The following DLGAP2 variants were observed in gnomAD, a reference collection of about 807,000 sequenced individuals.
The protein encoded by DLGAP2 is disks large-associated protein 2.
Under a neutral mutation model 100.3 loss-of-function variants are expected in DLGAP2, and 26 were observed. The ratio of observed to expected loss-of-function variants is 0.26; its 90% confidence interval spans 0.19 to 0.36. DLGAP2 has a LOEUF of 0.36. Ranked by LOEUF, DLGAP2 falls within the 10% of genes least tolerant of loss-of-function variation. DLGAP2 has a pLI of 1.00. For missense variants in DLGAP2, 1,858 were observed against 1,453.2 expected (o/e 1.28, Z -4.53); for synonymous variants, 886 against 630.1 (o/e 1.41, Z -6.08).
At chr8:1,499,546 T>C (rs1799647174) in intron 3 of DLGAP2, among the ~76,000 whole-genome samples, 1 of 152,264 alleles carries the variant, frequency 6.6e-6, no homozygotes, top group South Asian at 2.1e-4. Context: ...TGTGGTTTTA[T>C]GTTATACTTA....
intron 2 of DLGAP2, chr8:1,137,243 C>T (rs1020611532): frequency 6.6e-6 from 1 of 152,340 alleles, no homozygotes; most frequent in African/African-American, 2.4e-5. Context: ...AGACACCAGT[C>T]CTATTGAATT....
intron 8 of DLGAP2, among the ~76,000 whole-genome samples, chr8:1,644,713 A>G (rs1798001415): frequency 5.3e-5 from 8 of 152,242 alleles, no homozygotes; most frequent in Admixed American, 5.2e-4. Flanking sequence ...ATTAGATGCC[A>G]AAATATCTAG....
chr8:1,594,102 A>G (rs1446145757), intron 6 of DLGAP2, among the ~76,000 whole-genome samples: 3 of 152,222 alleles, frequency 2.0e-5, no homozygotes, highest in Non-Finnish European at 4.4e-5. Context: ...GGGAAGGGAA[A>G]GAATTGGCTG....
chr8:1,198,316 C>G (rs553679060), intron 2 of DLGAP2, among the ~76,000 whole-genome samples: 1 of 152,304 alleles, frequency 6.6e-6, no homozygotes, highest in East Asian at 1.9e-4. Flanking sequence ...CCAGAAAAAC[C>G]TCCCTATTGT....
At chr8:810,505 A>T (rs1480777388) in intron 1 of DLGAP2, among the ~76,000 whole-genome samples, 1 of 152,236 alleles carries the variant, frequency 6.6e-6, no homozygotes, top group African/African-American at 2.4e-5. Context: ...TTGTTTTCGA[A>T]GTACATTCTA....
At chr8:1,556,352 A>G (rs1335187096) in intron 5 of DLGAP2, among the ~76,000 whole-genome samples, 1 of 152,120 alleles carries the variant, frequency 6.6e-6, no homozygotes, top group Non-Finnish European at 1.5e-5. Flanking sequence ...CACCCAGGAC[A>G]GCTGAGGGTC....
At chr8:1,115,662 G>A (rs890610464) in intron 2 of DLGAP2, among the ~76,000 whole-genome samples, 2 of 152,184 alleles carry the variant, frequency 1.3e-5, no homozygotes, top group African/African-American at 4.8e-5. Context: ...GAGGACGGAG[G>A]TGTAGCTGTG....
At chr8:777,752 A>T (rs1318446817) in intron 1 of DLGAP2, among the ~76,000 whole-genome samples, 1 of 152,142 alleles carries the variant, frequency 6.6e-6, no homozygotes, top group Non-Finnish European at 1.5e-5. Context: ...CTTTGAGGGT[A>T]ACCCGACCTT....
chr8:984,510 C>T (rs772634062), intron 2 of DLGAP2, among the ~76,000 whole-genome samples: 5 of 152,164 alleles, frequency 3.3e-5, no homozygotes, highest in Admixed American at 6.5e-5. Context: ...GCTTGGCCCA[C>T]GCTCCTGGCC....
At chr8:1,376,416 G>T (rs1388015813) in intron 3 of DLGAP2, among the ~76,000 whole-genome samples, 1 of 152,248 alleles carries the variant, frequency 6.6e-6, no homozygotes, top group African/African-American at 2.4e-5. Flanking sequence ...CCCGCTGCAT[G>T]GCCTCTGTGC....
At chr8:936,125 G>GTACC (rs1799064795) in intron 2 of DLGAP2, among the ~76,000 whole-genome samples, 1 of 152,134 alleles carries the variant, frequency 6.6e-6, no homozygotes, top group Non-Finnish European at 1.5e-5. Flanking sequence ...AGAACACTGT[G>GTACC]TACCGTGTGT....
rs1799682408 is a variant in DLGAP2 at position 1,705,511 on chromosome 8, C to G, written c.*4105C>G. On this transcript the variant is annotated 3_prime_UTR_variant, in exon 15 of 15. Coordinates refer to ENST00000637795, the MANE Select transcript of DLGAP2 (RefSeq NM_001346810.2). ...AGCGGGAAATGTGTGAGAGGGTGTG[C>G]GCTGGTACGGACATAAAAGCATTGT... 6.6e-6 allele frequency: 1 copy of G among 152,218 alleles called. No individual in the cohort carries two copies. 9.4% of individuals were successfully genotyped at this position (152,218 alleles called of 1,614,324 possible).
intron 8 of DLGAP2, among the ~76,000 whole-genome samples, chr8:1,634,860 A>G (rs12543316): frequency 0.11 from 16,626 of 152,222 alleles, 1,173 homozygotes; most frequent in Admixed American, 0.15. Context: ...TAATTTATAT[A>G]TATACAATGT....
At chr8:1,652,092 A>G (rs1047719078) in intron 8 of DLGAP2, among the ~76,000 whole-genome samples, 3 of 152,256 alleles carry the variant, frequency 2.0e-5, no homozygotes, top group African/African-American at 4.8e-5. Flanking sequence ...ATGCAGGTGT[A>G]GAATTAAGAG....
intron 3 of DLGAP2, among the ~76,000 whole-genome samples, chr8:1,409,252 G>A (rs1409731762): frequency 6.6e-6 from 1 of 150,892 alleles, no homozygotes; most frequent in African/African-American, 2.4e-5. Context: ...TGGCAGCCCT[G>A]GCCCTGAGCA....
At chr8:1,433,162 C>G (rs778586435) in intron 3 of DLGAP2, among the ~76,000 whole-genome samples, 2 of 152,210 alleles carry the variant, frequency 1.3e-5, no homozygotes, top group Admixed American at 1.3e-4. Flanking sequence ...GCCCAAAGCC[C>G]CTCCAGGAAC....
chr8:1,336,047 G>C (rs151267400), intron 3 of DLGAP2, among the ~76,000 whole-genome samples: 1 of 152,230 alleles, frequency 6.6e-6, no homozygotes, highest in Non-Finnish European at 1.5e-5. Flanking sequence ...GGTGCTGGGC[G>C]TTCAGCCCGT....
intron 8 of DLGAP2, among the ~76,000 whole-genome samples, chr8:1,642,018 G>A (rs1797921797): frequency 3.0e-5 from 1 of 33,112 alleles, no homozygotes; most frequent in African/African-American, 3.3e-4. Flanking sequence ...GTCCTCACCT[G>A]TGTCACCCTC....
chr8:1,192,918 C>T lies in DLGAP2; in HGVS notation c.74-65933C>T, dbSNP rs184035086. On this transcript the variant is annotated intron_variant, in intron 2 of 14. Transcript: ENST00000637795. Reference sequence around the variant, plus strand: ...CTTCCCACCTATGAGTGAGAACATGCGGTGTTTGGTTTTTTGTCCTTGTGA... The same window carrying T: ...CTTCCCACCTATGAGTGAGAACATGTGGTGTTTGGTTTTTTGTCCTTGTGA... Among the ~76,000 whole-genome samples, 1,014 of 151,822 alleles carry T rather than the reference C, an allele frequency of 6.7e-3. 8 individuals are homozygous for T. Among genetic ancestry groups the T allele is most frequent in the African/African-American group, 0.023 (953 of 41,364 alleles).
Sources: allele counts gnomAD v4.1 joint callset (sites outside exome capture counted in the v4.1 genomes callset), GRCh38; gene constraint gnomAD v4.1.1; transcripts MANE v1.5; gene names NCBI Gene and HGNC (gene_info 2026-07-23, HGNC 2026-07-21).